Variants in IL6ST observed in about 807,000 individuals in gnomAD.
IL6ST encodes the protein interleukin-6 receptor subunit beta.
Under a neutral mutation model 91.3 loss-of-function variants are expected in IL6ST, and 24 were observed. The observed-to-expected ratio is 0.26, with a 90% CI of 0.19 to 0.37. The LOEUF (loss-of-function observed/expected upper bound fraction) is 0.37. Ranked by LOEUF, IL6ST falls within the 10% of genes least tolerant of loss-of-function variation. The pLI, the probability that IL6ST is intolerant of heterozygous loss-of-function variation, is 1.00. For missense variants in IL6ST, 914 were observed against 1,078.5 expected, an observed-to-expected ratio of 0.85 and a Z score of 2.14; for synonymous variants, 351 against 373.6, an observed-to-expected ratio of 0.94 and a Z score of 0.70.
intron 12 of IL6ST, 34 bp downstream of exon 12, chr5:55,952,216 A>T (rs770721339): frequency 1.3e-6 from 2 of 1,535,690 alleles, no homozygotes; most frequent in Middle Eastern, 1.7e-4. Context: ...AAAGCCCTAA[A>T]CTTTTTTTTT....
chr5:55,961,746 T>A, intron 7 of IL6ST, among the ~76,000 whole-genome samples: 1 of 140,462 alleles, frequency 7.1e-6, no homozygotes, highest in South Asian at 2.2e-4. Flanking sequence ...CAACAAGAGC[T>A]AAACTCCATC....
At position 55,951,479 on chromosome 5, in the gene IL6ST, T is replaced by TA; in HGVS notation, c.1824dup (p.Thr609TyrfsTer11). 6.2e-7 allele frequency: 1 copy of TA among 1,611,676 alleles called. No homozygotes were observed. The highest frequency in any genetic ancestry group is 8.5e-7 in the Non-Finnish European group (1 of 1,179,180). On this transcript the variant is annotated frameshift_variant, in exon 14 of 17. Coordinates refer to ENST00000381298, the MANE Select transcript of IL6ST (RefSeq NM_002184.4). LOFTEE classifies it high-confidence loss of function. ...TATTTCTTACCAAACTTTGGGGTAG[T>TA]AAAAGTGAATTCTGGACCATCCTTC...
At chr5:55,946,331 T>C (rs923761217) in intron 15 of IL6ST, among the ~76,000 whole-genome samples, 1 of 152,220 alleles carries the variant, frequency 6.6e-6, no homozygotes, top group Non-Finnish European at 1.5e-5. Flanking sequence ...ATACTTACCA[T>C]ATGACCCAGC....
At chr5:55,946,413 T>C (rs932608628) in intron 15 of IL6ST, among the ~76,000 whole-genome samples, 16 of 152,244 alleles carry the variant, frequency 1.1e-4, no homozygotes, top group African/African-American at 3.9e-4. Context: ...TGAATATTCA[T>C]AGCAACATTA....
rs923179336 is a variant in IL6ST at position 55,954,970 on chromosome 5, A to G, written c.1290T>C (p.Leu430=). 1 of 1,609,508 alleles carries G rather than the reference A, an allele frequency of 6.2e-7. No individual in the cohort carries two copies. The highest frequency in any genetic ancestry group is 1.3e-5 in the African/African-American group (1 of 74,866). Residue 430 remains leucine (L), a synonymous_variant, in exon 11 of 17, where the codon CTT becomes CTC. Coordinates refer to ENST00000381298, the MANE Select transcript of IL6ST (RefSeq NM_002184.4). ...GCATGTTATCTTTGGGGAATGCTTTAAGATCCATTACAGGGTGAGTAGCTT... is the reference window on the plus strand; with the variant it reads ...GCATGTTATCTTTGGGGAATGCTTTGAGATCCATTACAGGGTGAGTAGCTT... ...DFQATHPVMD[L]KAFPKDNMLW...
chr5:55,970,963 G>A (rs1752929676), intron 3 of IL6ST, among the ~76,000 whole-genome samples: 1 of 151,890 alleles, frequency 6.6e-6, no homozygotes, highest in South Asian at 2.1e-4. Context: ...GGGTAAAAGA[G>A]AATTAAACAC....
At chr5:55,950,051 A>G (rs1561162488) in intron 14 of IL6ST, 7 of 275,924 alleles carry the variant, frequency 2.5e-5, no homozygotes, top group Non-Finnish European at 5.2e-5. Context: ...GAAGAAAATG[A>G]TGATGAAAGG....
rs767779151 is a variant in IL6ST, at chr5:55,957,334, C to T, written c.974-43G>A. 6.8e-6 allele frequency: 7 copies of T among 1,024,876 alleles called. No individual in the cohort carries two copies. The Admixed American group carries it at 1.7e-4, about 24-fold the overall frequency. The allele number at this position is 1,024,876 out of a possible 1,614,324, so 63.5% of individuals were successfully genotyped here. On this transcript the variant is annotated intron_variant, in intron 8 of 16. Transcript: ENST00000381298. ...ACTCCTTAAAATAAAAAGGTTTTAA[C>T]AGTAAAATAAAATTCTGCAAATTAT...
intron 3 of IL6ST, among the ~76,000 whole-genome samples, chr5:55,972,138 ATACTC>A: frequency 6.6e-6 from 1 of 152,332 alleles, no homozygotes; most frequent in Non-Finnish European, 1.5e-5. Flanking sequence ...AATATGAAAT[ATACTC>A]TAGAGTTCTA....
At chr5:55,991,367 C>T (rs565580880) in intron 1 of IL6ST, among the ~76,000 whole-genome samples, 8 of 152,166 alleles carry the variant, frequency 5.3e-5, no homozygotes, top group African/African-American at 1.2e-4. Context: ...TGGAGTCCAT[C>T]GTTTCTCTCA....
In IL6ST at chr5:55,937,831, T is replaced by A; in HGVS notation, c.*3251A>T. On this transcript the variant is annotated 3_prime_UTR_variant, in exon 17 of 17. Coordinates refer to ENST00000381298, the MANE Select transcript of IL6ST (RefSeq NM_002184.4). Reference sequence around the variant, plus strand: ...AAAACTTTATTGAAACAAAAGTGTATGGTTTAGGAATATGCTCTTAATAAC... The same window carrying A: ...AAAACTTTATTGAAACAAAAGTGTAAGGTTTAGGAATATGCTCTTAATAAC... 2 of 195,246 alleles carry A rather than the reference T, an allele frequency of 1.0e-5. No individual in the cohort carries two copies. Among genetic ancestry groups the A allele is most frequent in the Non-Finnish European group, 2.1e-5 (2 of 93,818 alleles). The allele number at this position is 195,246 out of a possible 1,614,324, so 12.1% of individuals were successfully genotyped here.
intron 1 of IL6ST, chr5:55,993,978 A>G (rs1319469957): frequency 7.0e-6 from 1 of 143,512 alleles, no homozygotes; most frequent in Non-Finnish European, 1.5e-5. Flanking sequence ...TCTAATAACT[A>G]GTTATTTTAA....
chr5:55,959,812 C>T (rs1475379778), intron 8 of IL6ST: 1 of 332,584 alleles, frequency 3.0e-6, no homozygotes, highest in East Asian at 7.7e-5. Context: ...GACAAGTCTC[C>T]TTGAATAAAA....
intron 1 of IL6ST, among the ~76,000 whole-genome samples, chr5:55,988,011 G>C (rs906358935): frequency 3.9e-5 from 6 of 151,902 alleles, no homozygotes; most frequent in Non-Finnish European, 8.8e-5. Flanking sequence ...GGCACCTATA[G>C]TCCCAGCTAC....
intron 9 of IL6ST, among the ~76,000 whole-genome samples, chr5:55,956,628 G>A (rs1751992719): frequency 6.6e-6 from 1 of 151,958 alleles, no homozygotes; most frequent in Non-Finnish European, 1.5e-5. Flanking sequence ...AGTTACTCTG[G>A]AAAATTCCAA....
intron 3 of IL6ST, among the ~76,000 whole-genome samples, chr5:55,974,500 T>C (rs573589486): frequency 2.0e-5 from 3 of 152,120 alleles, no homozygotes; most frequent in African/African-American, 7.2e-5. Context: ...ATTTTTTTTT[T>C]TGGAAACAGG....
chr5:55,983,284 C>A (rs959616083), intron 1 of IL6ST, among the ~76,000 whole-genome samples: 1 of 152,180 alleles, frequency 6.6e-6, no homozygotes, highest in Non-Finnish European at 1.5e-5. Context: ...CCGCGCCCAG[C>A]CCTAGTGCTA....
intron 11 of IL6ST, among the ~76,000 whole-genome samples, chr5:55,954,584 A>G (rs1351942797): frequency 1.3e-5 from 2 of 152,206 alleles, no homozygotes; most frequent in Non-Finnish European, 2.9e-5. Context: ...CGATAAAATC[A>G]TATTGGGGTA....
intron 7 of IL6ST, 83 bp downstream of exon 7, chr5:55,963,269 G>C (rs1176374457): frequency 1.0e-6 from 1 of 964,694 alleles, no homozygotes; most frequent in African/African-American, 1.7e-5. Context: ...GAAACTTAAA[G>C]ACATTTAGAA....
Sources: gnomAD v4.1 joint callset for allele counts (sites outside exome capture counted in the v4.1 genomes callset) on GRCh38, gnomAD v4.1.1 for gene constraint, MANE v1.5 for transcripts, NCBI Gene and HGNC (gene_info 2026-07-23, HGNC 2026-07-21) for gene names.